The following GALNTL6 variants were observed in gnomAD, a reference collection of about 807,000 sequenced individuals.
GALNTL6 encodes the protein polypeptide N-acetylgalactosaminyltransferase-like 6.
Under a neutral mutation model 73.7 loss-of-function variants are expected in GALNTL6, and 46 were observed. The ratio of observed to expected loss-of-function variants is 0.62; its 90% CI spans 0.49 to 0.80. The LOEUF is 0.80. GALNTL6 is among the 30% of genes least tolerant of loss of function. The pLI is 0.00. For synonymous variants in GALNTL6, 259 were observed against 263.7 expected, an observed-to-expected ratio of 0.98 and a Z score of 0.17; for missense variants, 604 against 755.0, an observed-to-expected ratio of 0.80 and a Z score of 2.34.
chr4:172,184,900 A>C (rs1297324676), intron 2 of GALNTL6, among the ~76,000 whole-genome samples: 1 of 152,174 alleles, frequency 6.6e-6, no homozygotes, highest in East Asian at 1.9e-4. Flanking sequence ...GTCCTGCGAT[A>C]ATGGCATTAA....
chr4:172,975,492 G>A (rs762687067), intron 10 of GALNTL6, among the ~76,000 whole-genome samples: 1 of 152,118 alleles, frequency 6.6e-6, no homozygotes, highest in Non-Finnish European at 1.5e-5. Context: ...CCCAGAAATG[G>A]CACTAAATGG....
intron 5 of GALNTL6, among the ~76,000 whole-genome samples, chr4:172,475,652 A>G (rs1733204715): frequency 6.6e-6 from 1 of 152,224 alleles, no homozygotes; most frequent in Non-Finnish European, 1.5e-5. Context: ...CCTAGATTTA[A>G]AAATTCATAT....
At chr4:172,554,618 C>T (rs758426613) in intron 5 of GALNTL6, among the ~76,000 whole-genome samples, 1 of 152,156 alleles carries the variant, frequency 6.6e-6, no homozygotes, top group Admixed American at 6.5e-5. Context: ...ACTTCTAACA[C>T]CAGAGATCAG....
intron 5 of GALNTL6, among the ~76,000 whole-genome samples, chr4:172,606,943 G>A (rs1738327596): frequency 6.6e-6 from 1 of 151,664 alleles, no homozygotes; most frequent in Non-Finnish European, 1.5e-5. Flanking sequence ...TTTAAATAGA[G>A]TGCCATTTTG....
intron 2 of GALNTL6, among the ~76,000 whole-genome samples, chr4:172,072,969 C>A (rs748896275): frequency 6.6e-6 from 1 of 152,164 alleles, no homozygotes; most frequent in East Asian, 1.9e-4. Context: ...CAAGACCCAA[C>A]GTGATCTTAT....
intron 5 of GALNTL6, among the ~76,000 whole-genome samples, chr4:172,406,411 C>G (rs761066406): frequency 2.0e-5 from 3 of 151,756 alleles, no homozygotes; most frequent in Non-Finnish European, 4.4e-5. Flanking sequence ...TGCATGCTAA[C>G]TAGAAAATTT....
chr4:172,914,764 CTACAAAGAGATATA>C (rs1266163433), intron 8 of GALNTL6, among the ~76,000 whole-genome samples: 3 of 152,108 alleles, frequency 2.0e-5, no homozygotes, highest in Non-Finnish European at 4.4e-5. Flanking sequence ...CCTTAGAGAC[CTACAAAGAGATATA>C]GACCCCCAAG....
At chr4:172,832,390 T>C (rs536509198) in intron 7 of GALNTL6, among the ~76,000 whole-genome samples, 29 of 152,312 alleles carry the variant, frequency 1.9e-4, no homozygotes, top group African/African-American at 6.3e-4. Flanking sequence ...CTAAAATATT[T>C]TAAATTAGAC....
At chr4:172,859,055 A>AG (rs1258255078) in intron 7 of GALNTL6, among the ~76,000 whole-genome samples, 1 of 151,810 alleles carries the variant, frequency 6.6e-6, no homozygotes, top group East Asian at 1.9e-4. Flanking sequence ...GGAAAAAAAA[A>AG]AAAACAATGA....
intron 5 of GALNTL6, among the ~76,000 whole-genome samples, chr4:172,786,598 T>C (rs1739664856): frequency 6.6e-6 from 1 of 152,200 alleles, no homozygotes. Context: ...AAGTTTTCAC[T>C]CTAAAGACAT....
chr4:172,754,306 C>G (rs1017810175), intron 5 of GALNTL6, among the ~76,000 whole-genome samples: 1 of 152,160 alleles, frequency 6.6e-6, no homozygotes, highest in Non-Finnish European at 1.5e-5. Flanking sequence ...CATGGTGGCT[C>G]ACACCTGTAA....
intron 2 of GALNTL6, among the ~76,000 whole-genome samples, chr4:171,817,400 A>G (rs1473355846): frequency 6.6e-6 from 1 of 151,920 alleles, no homozygotes; most frequent in African/African-American, 2.4e-5. Flanking sequence ...CTTTTAAAAT[A>G]TACGTTATTT....
intron 2 of GALNTL6, among the ~76,000 whole-genome samples, chr4:171,898,313 T>A (rs1051508525): frequency 6.6e-6 from 1 of 152,138 alleles, no homozygotes; most frequent in South Asian, 2.1e-4. Flanking sequence ...GTTTGACATT[T>A]AATCATACAC....
chr4:172,394,445 T>A (rs1195188370), intron 5 of GALNTL6, among the ~76,000 whole-genome samples: 1 of 149,956 alleles, frequency 6.7e-6, no homozygotes, highest in African/African-American at 2.5e-5. Flanking sequence ...TTTTTTTTTT[T>A]TTTGAGATGG....
At chr4:172,048,423 T>C (rs548250174) in intron 2 of GALNTL6, among the ~76,000 whole-genome samples, 1 of 152,238 alleles carries the variant, frequency 6.6e-6, no homozygotes, top group South Asian at 2.1e-4. Flanking sequence ...GCAAAACTCA[T>C]AAGCACAGCT....
chr4:172,895,573 G>C (rs936882381), intron 8 of GALNTL6, among the ~76,000 whole-genome samples: 1 of 151,860 alleles, frequency 6.6e-6, no homozygotes, highest in Non-Finnish European at 1.5e-5. Context: ...TTGTGAGTTT[G>C]ATTATAATAT....
At chr4:173,012,166 T>C (rs762238443) in intron 11 of GALNTL6, among the ~76,000 whole-genome samples, 4 of 152,190 alleles carry the variant, frequency 2.6e-5, no homozygotes, top group Non-Finnish European at 5.9e-5. Flanking sequence ...CACACTCATC[T>C]CTTATGAAAA....
At chr4:172,827,634 C>T (rs772560805) in intron 7 of GALNTL6, among the ~76,000 whole-genome samples, 79 of 152,076 alleles carry the variant, frequency 5.2e-4, no homozygotes, top group Admixed American at 4.7e-3. Flanking sequence ...CTCATGTTCC[C>T]GCTTTCAACA....
intron 5 of GALNTL6, among the ~76,000 whole-genome samples, chr4:172,796,517 T>C (rs145423859): frequency 3.0e-3 from 463 of 152,322 alleles, no homozygotes; most frequent in Admixed American, 4.6e-3. Flanking sequence ...TATATTACTT[T>C]GTCATATTTT....
Sources: allele counts gnomAD v4.1 joint callset (sites outside exome capture counted in the v4.1 genomes callset), GRCh38; gene constraint gnomAD v4.1.1; transcripts MANE v1.5; gene names NCBI Gene and HGNC (gene_info 2026-07-23, HGNC 2026-07-21).